SAMD12: variants seen among roughly 807,000 people sequenced by gnomAD.
SAMD12 encodes the protein sterile alpha motif domain-containing protein 12.
In SAMD12, 9 loss-of-function variants were observed where a neutral mutation model predicts 15.0. That is an observed-to-expected ratio of 0.60 (90% CI 0.36 to 1.05). The LOEUF (loss-of-function observed/expected upper bound fraction) is 1.05, where lower values mean the gene tolerates loss of function less well. Among genes scored for constraint, SAMD12 ranks in the 50% least tolerant of loss-of-function variants. SAMD12 has a pLI of 0.01. For missense variants in SAMD12, 230 were observed against 234.2 expected (o/e 0.98, Z 0.12); for synonymous variants, 86 against 90.1 (o/e 0.96, Z 0.25).
intron 2 of SAMD12, among the ~76,000 whole-genome samples, chr8:118,513,221 A>G (rs1483195579): frequency 6.6e-6 from 1 of 152,234 alleles, no homozygotes; most frequent in Admixed American, 6.5e-5. Context: ...TCACCAGCCC[A>G]TCCCAAATGC....
rs140776353 is a variant in SAMD12 at position 118,296,563 on chromosome 8, A to G, written c.433+82997T>C. Among the ~76,000 whole-genome samples, 666 of 152,290 alleles carry G rather than the reference A, an allele frequency of 4.4e-3. 1 individual carries two copies. The highest frequency in any genetic ancestry group is 0.015 in the African/African-American group (630 of 41,568). On this transcript the variant is annotated intron_variant, in intron 4 of 4. Transcript: ENST00000409003. ...AGCCTGCATGTGTTACACTCTTCAC[A>G]TATCTCCAGCACTTGGTGAAGTGCA...
chr8:118,619,150 T>C (rs867794213), intron 1 of SAMD12, among the ~76,000 whole-genome samples: 2 of 152,226 alleles, frequency 1.3e-5, no homozygotes, highest in South Asian at 4.2e-4. Context: ...ATATCCCAAA[T>C]GTGTCCAGGG....
At chr8:118,391,507 C>G (rs1820273735) in intron 3 of SAMD12, among the ~76,000 whole-genome samples, 1 of 152,142 alleles carries the variant, frequency 6.6e-6, no homozygotes, top group East Asian at 1.9e-4. Flanking sequence ...CCTCAATATT[C>G]TACTTTGTGG....
intron 4 of SAMD12, among the ~76,000 whole-genome samples, chr8:118,320,064 A>G (rs2130444860): frequency 6.6e-6 from 1 of 152,310 alleles, no homozygotes; most frequent in East Asian, 1.9e-4. Context: ...TAGGTAAGGA[A>G]AAGAAGAGTG....
At chr8:118,195,855 T>A (rs1819543286) in exon 5 of SAMD12, 1 of 152,472 alleles carries the variant, frequency 6.6e-6, no homozygotes, top group African/African-American at 2.4e-5. Flanking sequence ...CTATTAGAAC[T>A]GAACCACATG....
intron 2 of SAMD12, among the ~76,000 whole-genome samples, chr8:118,561,617 AC>A (rs1295879537): frequency 6.6e-6 from 1 of 152,164 alleles, no homozygotes; most frequent in East Asian, 1.9e-4. Flanking sequence ...TCCTTATAAA[AC>A]CATCAGATCT....
the SAMD12 span, among the ~76,000 whole-genome samples, chr8:118,165,213 C>T: frequency 6.6e-6 from 1 of 151,992 alleles, no homozygotes; most frequent in Non-Finnish European, 1.5e-5. Flanking sequence ...TTCTCATGAA[C>T]CTTTTCTTGG....
rs538504367 is a variant in SAMD12, at chr8:118,426,818, G to A, written c.322+13014C>T. Among the ~76,000 whole-genome samples, 10 of 152,280 alleles carry A rather than the reference G, an allele frequency of 6.6e-5. No homozygotes were observed. The East Asian group carries it at 1.9e-3, about 29-fold the overall frequency. Reference sequence around the variant, plus strand: ...TCTATTTTGAAATCGTGAGTATTTTGTGTTAAAATTCCTTTGGTTTATAAA... The same window carrying A: ...TCTATTTTGAAATCGTGAGTATTTTATGTTAAAATTCCTTTGGTTTATAAA... On this transcript the variant is annotated intron_variant, in intron 3 of 3. Coordinates refer to ENST00000314727, the MANE Select transcript of SAMD12 (RefSeq NM_207506.3).
chr8:118,579,250 C>A (rs1166608925), intron 2 of SAMD12, among the ~76,000 whole-genome samples: 1 of 152,134 alleles, frequency 6.6e-6, no homozygotes, highest in Non-Finnish European at 1.5e-5. Context: ...TGGAAAATAT[C>A]TCACTCATAG....
intron 2 of SAMD12, among the ~76,000 whole-genome samples, chr8:118,482,529 A>G (rs1057352517): frequency 2.6e-5 from 4 of 152,096 alleles, no homozygotes; most frequent in Non-Finnish European, 2.9e-5. Context: ...GTTATTCTCT[A>G]AACAATGCAG....
At chr8:118,159,175 T>C in the SAMD12 span, among the ~76,000 whole-genome samples, 1 of 152,114 alleles carries the variant, frequency 6.6e-6, no homozygotes, top group African/African-American at 2.4e-5. Context: ...AGAAACTCCC[T>C]GAGCCAGGGC....
chr8:118,452,634 T>G (rs950902356), intron 2 of SAMD12, among the ~76,000 whole-genome samples: 1 of 152,204 alleles, frequency 6.6e-6, no homozygotes, highest in Non-Finnish European at 1.5e-5. Flanking sequence ...TTTTTACACC[T>G]TTATAGTCAT....
intron 2 of SAMD12, among the ~76,000 whole-genome samples, chr8:118,571,859 G>A (rs1827021406): frequency 6.6e-6 from 1 of 152,148 alleles, no homozygotes; most frequent in South Asian, 2.1e-4. Flanking sequence ...GGAAATGTGG[G>A]GTCAGAGCCC....
chr8:118,262,858 T>G (rs1813112057), intron 4 of SAMD12, among the ~76,000 whole-genome samples: 1 of 152,090 alleles, frequency 6.6e-6, no homozygotes, highest in Non-Finnish European at 1.5e-5. Context: ...AGCTCAGTTG[T>G]TATGAGTATT....
intron 4 of SAMD12, among the ~76,000 whole-genome samples, chr8:118,226,365 AT>A (rs1812189039): frequency 6.6e-6 from 1 of 152,212 alleles, no homozygotes; most frequent in African/African-American, 2.4e-5. Context: ...CAGCAATGAA[AT>A]TTCTAGCAGA....
At chr8:118,217,000 A>T (rs1811976004) in intron 4 of SAMD12, among the ~76,000 whole-genome samples, 1 of 151,980 alleles carries the variant, frequency 6.6e-6, no homozygotes, top group South Asian at 2.1e-4. Flanking sequence ...TGGTGTCTTC[A>T]TCTGGTCTCT....
At chr8:118,441,641 G>C (rs1307816560) in intron 2 of SAMD12, among the ~76,000 whole-genome samples, 1 of 151,902 alleles carries the variant, frequency 6.6e-6, no homozygotes, top group Non-Finnish European at 1.5e-5. Context: ...TTTTCATATA[G>C]ACATATATAC....
intron 4 of SAMD12, among the ~76,000 whole-genome samples, chr8:118,366,577 C>T (rs575632338): frequency 1.8e-4 from 28 of 151,954 alleles, no homozygotes; most frequent in Non-Finnish European, 3.5e-4. Flanking sequence ...TTTTGGGAGG[C>T]CAAGGTGGGT....
intron 2 of SAMD12, among the ~76,000 whole-genome samples, chr8:118,469,052 C>T (rs1450241738): frequency 6.6e-6 from 1 of 152,166 alleles, no homozygotes; most frequent in Non-Finnish European, 1.5e-5. Context: ...CAGCCCAGCA[C>T]ATTTCTGCCT....
Sources: gnomAD v4.1 joint callset for allele counts (sites outside exome capture counted in the v4.1 genomes callset) on GRCh38, gnomAD v4.1.1 for gene constraint, MANE v1.5 for transcripts, NCBI Gene and HGNC (gene_info 2026-07-23, HGNC 2026-07-21) for gene names.